TMEM132B: variants seen among roughly 807,000 people sequenced by gnomAD.
TMEM132B encodes the protein transmembrane protein 132B.
TMEM132B carries 18 observed loss-of-function variants against 90.8 expected under a neutral mutation model. The ratio of observed to expected loss-of-function variants is 0.20; its 90% CI spans 0.14 to 0.29. The LOEUF (loss-of-function observed/expected upper bound fraction) is 0.29. Among genes scored for constraint, TMEM132B ranks in the 10% least tolerant of loss-of-function variants. TMEM132B has a pLI of 1.00. For synonymous variants in TMEM132B, 504 were observed against 523.3 expected (o/e 0.96, Z 0.50); for missense variants, 1,096 against 1,326.8 (o/e 0.83, Z 2.70).
intron 4 of TMEM132B, among the ~76,000 whole-genome samples, chr12:125,531,696 C>A (rs1256087514): frequency 6.6e-6 from 1 of 152,214 alleles, no homozygotes; most frequent in African/African-American, 2.4e-5. Flanking sequence ...CTGCAAACAG[C>A]CATAACCTCA....
At chr12:125,440,459 A>T (rs1365227957) in intron 3 of TMEM132B, among the ~76,000 whole-genome samples, 1 of 152,242 alleles carries the variant, frequency 6.6e-6, no homozygotes, top group Non-Finnish European at 1.5e-5. Flanking sequence ...GTGATGTTTA[A>T]TCATTTTCAA....
At chr12:125,477,972 AG>A (rs1256809424) in intron 3 of TMEM132B, among the ~76,000 whole-genome samples, 1 of 152,254 alleles carries the variant, frequency 6.6e-6, no homozygotes, top group Admixed American at 6.5e-5. Flanking sequence ...CCAGGCAAAC[AG>A]GGTCTGAAGT....
At chr12:125,461,886 G>T (rs1881445674) in intron 3 of TMEM132B, among the ~76,000 whole-genome samples, 1 of 152,186 alleles carries the variant, frequency 6.6e-6, no homozygotes, top group Non-Finnish European at 1.5e-5. Context: ...CCACAAGCCT[G>T]GTTCTCGACC....
chr12:125,216,087 G>T (rs1221450891), intron 1 of TMEM132B, among the ~76,000 whole-genome samples: 1 of 152,232 alleles, frequency 6.6e-6, no homozygotes, highest in Non-Finnish European at 1.5e-5. Flanking sequence ...GATTCCATCT[G>T]CCTCCTGTAT....
At chr12:125,367,599 T>A (rs1448711653) in intron 2 of TMEM132B, among the ~76,000 whole-genome samples, 1 of 152,190 alleles carries the variant, frequency 6.6e-6, no homozygotes, top group Non-Finnish European at 1.5e-5. Context: ...TCCAGGTTGA[T>A]GCTCTCTCTG....
At position 125,626,145 on chromosome 12, in the gene TMEM132B, A is replaced by G. The variant is rs114266879; in HGVS notation, c.1438-17931A>G. 7.8e-3 allele frequency among the ~76,000 whole-genome samples: 1,185 copies of G among 152,248 alleles called. 16 individuals are homozygous for G. Among genetic ancestry groups the G allele is most frequent in the African/African-American group, 0.027 (1,133 of 41,554 alleles). The stretch of plus-strand genomic sequence containing the variant: ...ATTTTATTCTTCCTTAAATTATTCC[A>G]TTCTTAAGTGTAGATCTAGATTTCC... On this transcript the variant is annotated intron_variant, in intron 5 of 8. Coordinates refer to ENST00000682704, the MANE Select transcript of TMEM132B (RefSeq NM_001366854.1).
In TMEM132B at chr12:125,407,090, T is replaced by C. The variant is rs929349985; in HGVS notation, c.960-8441T>C. Among the ~76,000 whole-genome samples the C allele has an allele frequency of 2.0e-5, 3 of 152,178 alleles. No homozygotes were observed. The highest frequency in any genetic ancestry group is 2.9e-5 in the Non-Finnish European group (2 of 68,034). Reference sequence around the variant, plus strand: ...TTTTTGGAACTTGGTCACATAGACATGGCTGACTCTCCAGTCCCTCCAGTG... The same window carrying C: ...TTTTTGGAACTTGGTCACATAGACACGGCTGACTCTCCAGTCCCTCCAGTG... On this transcript the variant is annotated intron_variant, in intron 2 of 8. Coordinates refer to ENST00000682704, the MANE Select transcript of TMEM132B (RefSeq NM_001366854.1). The surrounding 1 kb of genome is among the most constrained non-coding windows in gnomAD (Gnocchi z 6.7).
chr12:125,398,294 T>C (rs1432774610), intron 2 of TMEM132B, among the ~76,000 whole-genome samples: 4 of 152,160 alleles, frequency 2.6e-5, no homozygotes, highest in African/African-American at 9.7e-5. Flanking sequence ...CATTTTTATA[T>C]ATGTGCCTTC....
intron 4 of TMEM132B, among the ~76,000 whole-genome samples, chr12:125,524,699 G>A (rs1883400139): frequency 1.3e-5 from 2 of 152,200 alleles, no homozygotes; most frequent in Admixed American, 1.3e-4. Flanking sequence ...GCCATCTATA[G>A]GTGTAGTTGT....
At chr12:125,344,960 C>G (rs1446028179) in intron 1 of TMEM132B, among the ~76,000 whole-genome samples, 1 of 152,148 alleles carries the variant, frequency 6.6e-6, no homozygotes, top group Non-Finnish European at 1.5e-5. Context: ...CCAACCTGAA[C>G]TAATATTAAT....
intron 4 of TMEM132B, among the ~76,000 whole-genome samples, chr12:125,549,987 C>T (rs1884181812): frequency 6.6e-6 from 1 of 152,202 alleles, no homozygotes; most frequent in Non-Finnish European, 1.5e-5. Flanking sequence ...ACCCTGTAAA[C>T]ATTTCTCCTT....
chr12:125,504,969 A>G (rs1335042041), intron 3 of TMEM132B, among the ~76,000 whole-genome samples: 1 of 152,060 alleles, frequency 6.6e-6, no homozygotes, highest in Non-Finnish European at 1.5e-5. Flanking sequence ...CTGACCCTGG[A>G]ATCGCACATG....
intron 1 of TMEM132B, among the ~76,000 whole-genome samples, chr12:125,293,219 C>G (rs1875586522): frequency 6.6e-6 from 1 of 152,240 alleles, no homozygotes; most frequent in South Asian, 2.1e-4. Context: ...CTCACATGGA[C>G]AAGAGGACCT....
At chr12:125,543,850 A>G (rs1281497781) in intron 4 of TMEM132B, among the ~76,000 whole-genome samples, 12 of 152,372 alleles carry the variant, frequency 7.9e-5, no homozygotes. Context: ...ATTACTGGGT[A>G]TATACCCAAA....
chr12:125,192,659 T>C (rs1376526686), intron 1 of TMEM132B, among the ~76,000 whole-genome samples: 1 of 152,220 alleles, frequency 6.6e-6, no homozygotes, highest in East Asian at 1.9e-4. Context: ...CTGTCCCTTC[T>C]AAAGTCCACC....
At chr12:125,530,350 A>G (rs1401083725) in intron 4 of TMEM132B, among the ~76,000 whole-genome samples, 1 of 151,428 alleles carries the variant, frequency 6.6e-6, no homozygotes, top group Non-Finnish European at 1.5e-5. Flanking sequence ...CCGACCCCCA[A>G]CTAGGATGCA....
At chr12:125,572,957 A>G (rs757393756) in intron 4 of TMEM132B, among the ~76,000 whole-genome samples, 1 of 152,192 alleles carries the variant, frequency 6.6e-6, no homozygotes, top group Non-Finnish European at 1.5e-5. Context: ...CCAAACTGGA[A>G]GTGGGTGCCC....
At chr12:125,287,653 C>G (rs1459336629) in intron 1 of TMEM132B, among the ~76,000 whole-genome samples, 1 of 152,112 alleles carries the variant, frequency 6.6e-6, no homozygotes, top group Admixed American at 6.5e-5. Context: ...TGATGCAAAA[C>G]AAAAATGAAA....
rs189026909 is a variant in TMEM132B, at chr12:125,220,764, G to A, written c.67+33898G>A. On this transcript the variant is annotated intron_variant, in intron 1 of 8. Coordinates refer to ENST00000682704, the MANE Select transcript of TMEM132B (RefSeq NM_001366854.1). ...TGTCTGTTTCCCAGATCGTAGGAGC[G>A]TGTACCTCTTAAGCTGCTAAATCAG... is the stretch of plus-strand genomic sequence containing the variant. Among the ~76,000 whole-genome samples, 59 of 152,298 alleles carry A rather than the reference G, an allele frequency of 3.9e-4. 2 individuals carry two copies. Among genetic ancestry groups the A allele is most frequent in the African/African-American group, 1.2e-3 (49 of 41,564 alleles).
Sources: allele counts gnomAD v4.1 joint callset (sites outside exome capture counted in the v4.1 genomes callset), GRCh38; gene constraint gnomAD v4.1.1; non-coding constraint Gnocchi (gnomAD v3.1); transcripts MANE v1.5; gene names NCBI Gene and HGNC (gene_info 2026-07-23, HGNC 2026-07-21).